The following TRAPPC9 variants were observed in gnomAD, a reference collection of about 807,000 sequenced individuals.
TRAPPC9 encodes trafficking protein particle complex subunit 9, also known as IKK2 binding protein.
Under a neutral mutation model 124.0 loss-of-function variants are expected in TRAPPC9, and 83 were observed. The ratio of observed to expected loss-of-function variants is 0.67; its 90% CI spans 0.56 to 0.80. The LOEUF (loss-of-function observed/expected upper bound fraction) is 0.80. Among genes scored for constraint, TRAPPC9 ranks in the 30% least tolerant of loss-of-function variants. The pLI, the probability that TRAPPC9 is intolerant of heterozygous loss-of-function variation, is 0.00. For missense variants in TRAPPC9, 1,302 were observed against 1,508.3 expected, an observed-to-expected ratio of 0.86 and a Z score of 2.27; for synonymous variants, 638 against 617.5, an observed-to-expected ratio of 1.03 and a Z score of -0.49.
chr8:140,230,361 C>A (rs1316116934), intron 16 of TRAPPC9, among the ~76,000 whole-genome samples: 3 of 152,178 alleles, frequency 2.0e-5, no homozygotes, highest in African/African-American at 7.2e-5. Flanking sequence ...GTAATCCCAG[C>A]ACTTTGGGAG....
At position 139,988,007 on chromosome 8, in the gene TRAPPC9, C is replaced by G. The variant is rs770668892; in HGVS notation, c.2810+719G>C. Among the ~76,000 whole-genome samples the G allele has an allele frequency of 4.4e-4, 67 of 152,150 alleles. 1 individual carries two copies. The highest frequency in any genetic ancestry group is 3.9e-4 in the Admixed American group (6 of 15,284). ...GGCTTGGGTGACTGTGCTCCCCTCC[C>G]GAAGGCCTGAGCCTTGCCTGTCTTT... On this transcript the variant is annotated intron_variant, in intron 19 of 22. Coordinates refer to ENST00000438773, the MANE Select transcript of TRAPPC9 (RefSeq NM_001160372.4).
At chr8:140,143,820 T>C (rs987583375) in intron 17 of TRAPPC9, among the ~76,000 whole-genome samples, 1 of 152,226 alleles carries the variant, frequency 6.6e-6, no homozygotes, top group Non-Finnish European at 1.5e-5. Context: ...CCCCATGCCA[T>C]TCCATATTCC....
At chr8:140,315,410 T>C (rs2066417997) in intron 9 of TRAPPC9, among the ~76,000 whole-genome samples, 1 of 152,088 alleles carries the variant, frequency 6.6e-6, no homozygotes, top group South Asian at 2.1e-4. Flanking sequence ...AACCAACTCC[T>C]TAGTAAAGGT....
Position 139,839,842 on chromosome 8 carries a change from AG to A in TRAPPC9, c.3055+46036del, listed in dbSNP as rs542404039. Reference sequence around the variant, plus strand: ...GAGACAGAAAGTGCCAGCCGGTGCCAGGCACTGGGACAGCGACACAAACAAA... The same window carrying A: ...GAGACAGAAAGTGCCAGCCGGTGCCAGCACTGGGACAGCGACACAAACAAA... On this transcript the variant is annotated intron_variant, in intron 21 of 22. Transcript: ENST00000438773. Among the ~76,000 whole-genome samples, 625 of 152,320 alleles carry A rather than the reference AG, an allele frequency of 4.1e-3. 6 individuals are homozygous for A. Among genetic ancestry groups the A allele is most frequent in the East Asian group, 6.2e-3 (32 of 5,180 alleles).
intron 17 of TRAPPC9, among the ~76,000 whole-genome samples, chr8:140,037,618 A>G: frequency 6.7e-6 from 1 of 149,700 alleles, no homozygotes; most frequent in Non-Finnish European, 1.5e-5. Flanking sequence ...ACACACATAT[A>G]CAGACACATA....
chr8:139,948,049 T>C (rs563415905), intron 19 of TRAPPC9, among the ~76,000 whole-genome samples: 1 of 151,024 alleles, frequency 6.6e-6, no homozygotes, highest in East Asian at 1.9e-4. Flanking sequence ...GTGGGAACAT[T>C]ACTGACCCAC....
chr8:139,749,685 TAA>T (rs1346800399), intron 21 of TRAPPC9, among the ~76,000 whole-genome samples: 1 of 152,152 alleles, frequency 6.6e-6, no homozygotes, highest in Non-Finnish European at 1.5e-5. Flanking sequence ...CATAGAACTA[TAA>T]AGTCTTAGAG....
chr8:140,351,097 G>A (rs1162165906), intron 9 of TRAPPC9, among the ~76,000 whole-genome samples: 1 of 151,470 alleles, frequency 6.6e-6, no homozygotes, highest in East Asian at 2.0e-4. Context: ...GGCAGAAAAG[G>A]TGATTCCAGG....
At position 139,996,343 on chromosome 8, in the gene TRAPPC9, G is replaced by A. The variant is rs151324458; in HGVS notation, c.2700-7507C>T. ...GAGAACATTCCACCCAAAAGCAGCA[G>A]AATAATCATACTACCCAAGTGTACA... On this transcript the variant is annotated intron_variant, in intron 18 of 22. Coordinates refer to ENST00000438773, the MANE Select transcript of TRAPPC9 (RefSeq NM_001160372.4). Among the ~76,000 whole-genome samples the A allele has an allele frequency of 5.9e-5, 9 of 151,906 alleles. No homozygotes were observed. In the East Asian group the frequency reaches 1.2e-3, roughly 20 times the overall value.
intron 17 of TRAPPC9, among the ~76,000 whole-genome samples, chr8:140,156,191 T>G (rs917078576): frequency 6.6e-6 from 1 of 152,268 alleles, no homozygotes; most frequent in Non-Finnish European, 1.5e-5. Context: ...CGCCACCACC[T>G]GCTTCGTGTA....
intron 21 of TRAPPC9, among the ~76,000 whole-genome samples, chr8:139,765,294 G>C (rs1160711739): frequency 6.6e-6 from 1 of 152,230 alleles, no homozygotes; most frequent in Non-Finnish European, 1.5e-5. Context: ...CTGAGGTCAA[G>C]AAGACCCCAC....
intron 17 of TRAPPC9, among the ~76,000 whole-genome samples, chr8:140,193,852 A>T (rs1482375150): frequency 6.6e-6 from 1 of 152,224 alleles, no homozygotes; most frequent in Admixed American, 6.5e-5. Context: ...GAGAATGACT[A>T]GCAATGCATG....
chr8:139,869,871 A>T (rs966033440), intron 21 of TRAPPC9, among the ~76,000 whole-genome samples: 5 of 152,250 alleles, frequency 3.3e-5, no homozygotes, highest in African/African-American at 1.2e-4. Flanking sequence ...CATATCAAAC[A>T]TTAAAACATT....
intron 18 of TRAPPC9, among the ~76,000 whole-genome samples, chr8:140,016,688 T>G (rs142048171): frequency 1.3e-5 from 2 of 152,342 alleles, no homozygotes; most frequent in African/African-American, 4.8e-5. Context: ...TTCATTTACC[T>G]GTTGATGGGC....
At chr8:139,951,715 C>T (rs1467279705) in intron 19 of TRAPPC9, among the ~76,000 whole-genome samples, 4 of 152,164 alleles carry the variant, frequency 2.6e-5, no homozygotes, top group South Asian at 2.1e-4. Context: ...GCTCACTCCA[C>T]GCACCTCTGA....
intron 15 of TRAPPC9, among the ~76,000 whole-genome samples, chr8:140,263,690 C>G (rs1334685745): frequency 6.6e-6 from 1 of 152,160 alleles, no homozygotes; most frequent in Non-Finnish European, 1.5e-5. Flanking sequence ...GGACAATGGT[C>G]ACAGACACAA....
At chr8:140,174,990 T>G (rs910716812) in intron 17 of TRAPPC9, among the ~76,000 whole-genome samples, 5 of 146,016 alleles carry the variant, frequency 3.4e-5, no homozygotes, top group Non-Finnish European at 7.5e-5. Flanking sequence ...TGTTTTTCAA[T>G]GCACCTGGGG....
chr8:140,233,237 C>T (rs1052736797), intron 16 of TRAPPC9, among the ~76,000 whole-genome samples: 1 of 151,366 alleles, frequency 6.6e-6, no homozygotes, highest in Non-Finnish European at 1.5e-5. Flanking sequence ...CGGAGTCTCA[C>T]TCTGTCACCC....
chr8:140,021,002 A>T (rs558777660), intron 18 of TRAPPC9, among the ~76,000 whole-genome samples: 1 of 152,314 alleles, frequency 6.6e-6, no homozygotes, highest in East Asian at 1.9e-4. Context: ...ATGCATAGTT[A>T]ATGTCAATTT....
Sources: allele counts gnomAD v4.1 joint callset (sites outside exome capture counted in the v4.1 genomes callset), GRCh38; gene constraint gnomAD v4.1.1; transcripts MANE v1.5; gene names NCBI Gene and HGNC (gene_info 2026-07-23, HGNC 2026-07-21).